The following RAB38 variants were observed in gnomAD, a reference collection of about 807,000 sequenced individuals.
RAB38 encodes the protein ras-related protein Rab-38.
A neutral mutation model predicts 18.4 loss-of-function variants in RAB38; 15 were observed. The observed-to-expected ratio is 0.82, with a 90% CI of 0.55 to 1.26. The LOEUF (loss-of-function observed/expected upper bound fraction) is 1.26, where lower values mean the gene tolerates loss of function less well. Ranked by LOEUF, RAB38 falls within the 50% of genes most tolerant of loss-of-function variation. The probability of loss-of-function intolerance (pLI) is 0.00; values close to 1 mark genes in which losing one functional copy is unlikely to be tolerated. For synonymous variants in RAB38, 101 were observed against 104.4 expected, an observed-to-expected ratio of 0.97 and a Z score of 0.20; for missense variants, 294 against 267.4, an observed-to-expected ratio of 1.10 and a Z score of -0.69.
chr11:88,144,916 T>C (rs1942962783), intron 2 of RAB38, among the ~76,000 whole-genome samples: 1 of 152,172 alleles, frequency 6.6e-6, no homozygotes, highest in South Asian at 2.1e-4. Context: ...TTTCTGAGCA[T>C]AGCCACACCT....
At chr11:87,857,640 C>G in the RAB38 span, among the ~76,000 whole-genome samples, 1 of 151,868 alleles carries the variant, frequency 6.6e-6, no homozygotes, top group East Asian at 1.9e-4. Context: ...TTTCATGTGT[C>G]TTTTGGCTGC....
At chr11:88,030,009 C>T in the RAB38 span, among the ~76,000 whole-genome samples, 9 of 152,070 alleles carry the variant, frequency 5.9e-5, no homozygotes, top group Non-Finnish European at 1.3e-4. Flanking sequence ...TGTAAAAGAA[C>T]AGAAGTTATA....
At chr11:88,049,706 C>T in the RAB38 span, among the ~76,000 whole-genome samples, 1 of 152,212 alleles carries the variant, frequency 6.6e-6, no homozygotes, top group Admixed American at 6.5e-5. Flanking sequence ...GCTCTTTGCT[C>T]CGTGAGAAAG....
At chr11:87,868,672 C>T in the RAB38 span, among the ~76,000 whole-genome samples, 20 of 149,864 alleles carry the variant, frequency 1.3e-4, no homozygotes, top group Middle Eastern at 3.2e-3. Context: ...GATAGACACA[C>T]AACTAGGCCA....
At chr11:87,907,386 T>G in the RAB38 span, among the ~76,000 whole-genome samples, 1 of 151,890 alleles carries the variant, frequency 6.6e-6, no homozygotes, top group Non-Finnish European at 1.5e-5. Context: ...CTATTTCTTT[T>G]AAATTGGTTT....
chr11:88,174,813 G>A (rs1280905438), intron 1 of RAB38, among the ~76,000 whole-genome samples: 3 of 152,186 alleles, frequency 2.0e-5, no homozygotes, highest in Non-Finnish European at 1.5e-5. Flanking sequence ...GCCCCTGCAC[G>A]GAAGGACGTG....
At chr11:87,906,982 G>C in the RAB38 span, among the ~76,000 whole-genome samples, 2 of 151,776 alleles carry the variant, frequency 1.3e-5, no homozygotes, top group Non-Finnish European at 2.9e-5. Context: ...ACAGTATTAA[G>C]ATATTTTCAG....
the RAB38 span, among the ~76,000 whole-genome samples, chr11:87,805,962 A>G: frequency 3.9e-4 from 59 of 152,254 alleles, no homozygotes; most frequent in Admixed American, 3.6e-3. Context: ...TACTTCACTC[A>G]AAGTCTACTA....
chr11:88,138,046 T>A (rs1291365957), intron 2 of RAB38, among the ~76,000 whole-genome samples: 4 of 152,174 alleles, frequency 2.6e-5, no homozygotes, highest in Non-Finnish European at 5.9e-5. Flanking sequence ...AGCAGGAGGC[T>A]ATGTTCCAGC....
chr11:87,840,887 T>C, the RAB38 span, among the ~76,000 whole-genome samples: 3 of 152,150 alleles, frequency 2.0e-5, no homozygotes, highest in African/African-American at 4.8e-5. Context: ...ATAACATCTT[T>C]TGCCTGCTCA....
At chr11:87,857,871 G>C in the RAB38 span, among the ~76,000 whole-genome samples, 1 of 152,106 alleles carries the variant, frequency 6.6e-6, no homozygotes, top group East Asian at 1.9e-4. Context: ...AGTTTAATTA[G>C]ATCCCATTTG....
At chr11:87,830,005 T>C in the RAB38 span, among the ~76,000 whole-genome samples, 2 of 152,202 alleles carry the variant, frequency 1.3e-5, no homozygotes, top group African/African-American at 4.8e-5. Flanking sequence ...TTTCTGTCAA[T>C]TGAATAGTCA....
the RAB38 span, among the ~76,000 whole-genome samples, chr11:87,916,236 C>A: frequency 6.6e-6 from 1 of 152,048 alleles, no homozygotes; most frequent in Non-Finnish European, 1.5e-5. Flanking sequence ...GAGTGGAATG[C>A]ACTGGTTTAT....
At chr11:88,075,573 T>C in the RAB38 span, among the ~76,000 whole-genome samples, 2 of 152,118 alleles carry the variant, frequency 1.3e-5, no homozygotes, top group African/African-American at 4.8e-5. Flanking sequence ...AATAAACACC[T>C]ATATCAAAAA....
the RAB38 span, among the ~76,000 whole-genome samples, chr11:87,887,980 C>T: frequency 6.6e-6 from 1 of 151,858 alleles, no homozygotes; most frequent in African/African-American, 2.4e-5. Flanking sequence ...ATTAGTGATG[C>T]AGCATTTCTG....
the RAB38 span, among the ~76,000 whole-genome samples, chr11:87,930,026 C>T: frequency 5.9e-3 from 893 of 152,154 alleles, 9 homozygotes; most frequent in African/African-American, 0.02. Flanking sequence ...AATAAACATA[C>T]GTGTGCACGT....
the RAB38 span, among the ~76,000 whole-genome samples, chr11:87,805,202 TAA>T: frequency 6.6e-6 from 1 of 152,192 alleles, no homozygotes; most frequent in Admixed American, 6.5e-5. Flanking sequence ...GGTAACATTT[TAA>T]AAATCTTCCT....
chr11:87,884,147 TTTAGA>T, the RAB38 span, among the ~76,000 whole-genome samples: 1 of 151,950 alleles, frequency 6.6e-6, no homozygotes, highest in African/African-American at 2.4e-5. Flanking sequence ...TATCCTTATC[TTTAGA>T]TTAGATACCT....
chr11:87,897,684 A>G, the RAB38 span, among the ~76,000 whole-genome samples: 1 of 151,666 alleles, frequency 6.6e-6, no homozygotes, highest in African/African-American at 2.4e-5. Flanking sequence ...AAGAACTGAG[A>G]AAGAAAGAAT....
Sources: allele counts gnomAD v4.1 joint callset (sites outside exome capture counted in the v4.1 genomes callset), GRCh38; gene constraint gnomAD v4.1.1; transcripts MANE v1.5; gene names NCBI Gene and HGNC (gene_info 2026-07-23, HGNC 2026-07-21).